Variants in PCDH1 observed in about 807,000 individuals in gnomAD.
PCDH1 encodes the protein protocadherin 1, also known as protocadherin-1.
In PCDH1, 23 loss-of-function variants were observed where a neutral mutation model predicts 74.6. That is an observed-to-expected ratio of 0.31 (90% CI 0.22 to 0.44). The LOEUF (loss-of-function observed/expected upper bound fraction) is 0.44, where lower values mean the gene tolerates loss of function less well. Ranked by LOEUF, PCDH1 falls within the 20% of genes least tolerant of loss-of-function variation. PCDH1 has a pLI of 1.00. For missense variants in PCDH1, 1,214 were observed against 1,641.4 expected (o/e 0.74, Z 4.50); for synonymous variants, 647 against 686.1 (o/e 0.94, Z 0.89).
At chr5:141,862,579 G>A in intron 3 of PCDH1, 2 of 957,920 alleles carry the variant, frequency 2.1e-6, no homozygotes, top group Non-Finnish European at 2.5e-6. Context: ...ATTGAGGTAG[G>A]ACCTGAGGAC....
intron 3 of PCDH1, among the ~76,000 whole-genome samples, chr5:141,859,273 A>G (rs186790423): frequency 6.6e-5 from 10 of 152,276 alleles, no homozygotes; most frequent in Admixed American, 6.5e-4. Flanking sequence ...CTCCCTGCAG[A>G]ACCCATATCT....
At position 141,864,767 on chromosome 5, in the gene PCDH1, C is replaced by G. The variant is rs758272223; in HGVS notation, c.1564G>C (p.Gly522Arg). ...GCAGTGATCTCAGCAATCACTTCAC[C>G]AGGCTTGTTGTTTTCCGGGAAGGCG... ...EVAFPENNKP[G>R]EVIAEITASD... Residue 522 changes from glycine to arginine, a missense_variant, in exon 3 of 5, where the codon GGT (glycine) becomes CGT (arginine). Physicochemically the swap from Gly to Arg is moderately radical, Grantham distance 125 (BLOSUM62 -2). This residue lies in a region of PCDH1 where 836 missense variants were observed against 1,182.2 expected (regional missense o/e 0.71). Transcript: ENST00000287008. This position sits in a 1 kb window ranked among gnomAD's most constrained non-coding sequence, Gnocchi z 5.9. The G allele has an allele frequency of 6.2e-7, 1 of 1,614,098 alleles. No individual in the cohort carries two copies. The highest frequency in any genetic ancestry group is 8.5e-7 in the Non-Finnish European group (1 of 1,180,020).
At chr5:141,877,702 C>T (rs1753275736) in intron 1 of PCDH1, among the ~76,000 whole-genome samples, 1 of 152,164 alleles carries the variant, frequency 6.6e-6, no homozygotes, top group Non-Finnish European at 1.5e-5. Flanking sequence ...TGTCTGTGTG[C>T]ACATATGCAG....
chr5:141,857,033 A>G (rs565837874), intron 4 of PCDH1, among the ~76,000 whole-genome samples: 10 of 152,298 alleles, frequency 6.6e-5, no homozygotes, highest in Admixed American at 4.6e-4. Context: ...TAACCTCTCT[A>G]AGCCTCAGTT....
chr5:141,859,583 A>C lies in PCDH1; in HGVS notation c.3100-2112T>G, dbSNP rs539579746. On this transcript the variant is annotated intron_variant, in intron 3 of 4. Transcript: ENST00000287008. ...CTGTATGGGCAATGATCTCATCACT[A>C]TCCTATCACCCAGACTCAGAAGGCT... 1.5e-4 allele frequency among the ~76,000 whole-genome samples: 23 copies of C among 152,216 alleles called. 1 individual carries two copies. The South Asian group carries it at 4.8e-3, about 32-fold the overall frequency.
rs576115850 is a variant in PCDH1 at position 141,869,757 on chromosome 5, C to T, written c.41-326G>A. The stretch of plus-strand genomic sequence containing the variant: ...CTGCCCGCCCTCTTTCCTTCTTTTC[C>T]TCCTTGCTCTCTGCTCTGTGCTTCA... On this transcript the variant is annotated intron_variant, in intron 1 of 4. Transcript: ENST00000287008. This position sits in a 1 kb window ranked among gnomAD's most constrained non-coding sequence, Gnocchi z 4.9. 1.1e-5 allele frequency: 11 copies of T among 985,460 alleles called. No individual in the cohort carries two copies. In the African/African-American group the frequency reaches 1.4e-4, roughly 12 times the overall value. The allele number at this position is 985,460 out of a possible 1,614,324, so 61.0% of individuals were successfully genotyped here.
At chr5:141,857,499 A>G (rs1403872274) in intron 3 of PCDH1, 28 bp from the exon 4 acceptor site, 1 of 1,598,360 alleles carries the variant, frequency 6.3e-7, no homozygotes, top group Middle Eastern at 1.7e-4. Flanking sequence ...GTCACTACTG[A>G]CCAGCCAGCT....
intron 1 of PCDH1, among the ~76,000 whole-genome samples, chr5:141,873,906 C>T (rs1053305932): frequency 6.6e-5 from 10 of 152,168 alleles, no homozygotes; most frequent in African/African-American, 2.4e-4. Context: ...TTTATTATTA[C>T]ACTCCTTCCC....
At chr5:141,873,721 G>A (rs1483959651) in intron 1 of PCDH1, among the ~76,000 whole-genome samples, 1 of 151,286 alleles carries the variant, frequency 6.6e-6, no homozygotes, top group Non-Finnish European at 1.5e-5. Flanking sequence ...GCCTCCCAAA[G>A]TGCTGGGATT....
chr5:141,867,401 G>C (rs1752893701), intron 2 of PCDH1: 2 of 344,838 alleles, frequency 5.8e-6, no homozygotes, highest in East Asian at 1.6e-4. Context: ...ATTAGCTGTA[G>C]GATATCAGGC....
Position 141,878,190 on chromosome 5 carries a change from C to A in PCDH1, c.40+33G>T. The A allele has an allele frequency of 7.0e-7, 1 of 1,433,028 alleles. No individual in the cohort carries two copies. Among genetic ancestry groups the A allele is most frequent in the Non-Finnish European group, 9.1e-7 (1 of 1,095,424 alleles). The allele number at this position is 1,433,028 out of a possible 1,614,324, so 88.8% of individuals were successfully genotyped here. Reference sequence around the variant, plus strand: ...GGCCATGACCGCTTCGGGCCCCAAGCCGCTGCTGCCTCCACCGCCGCCGGA... The same window carrying A: ...GGCCATGACCGCTTCGGGCCCCAAGACGCTGCTGCCTCCACCGCCGCCGGA... On this transcript the variant is annotated intron_variant, in intron 1 of 4. Coordinates refer to ENST00000287008, the MANE Select transcript of PCDH1 (RefSeq NM_032420.5). The surrounding 1 kb of genome is among the most constrained non-coding windows in gnomAD (Gnocchi z 5.5).
chr5:141,870,945 G>A (rs1753077532), intron 1 of PCDH1, among the ~76,000 whole-genome samples: 1 of 152,162 alleles, frequency 6.6e-6, no homozygotes, highest in Admixed American at 6.5e-5. Flanking sequence ...ACTGAGGGCA[G>A]GCTCTGGCCC....
chr5:141,867,321 T>C (rs1449935899), intron 2 of PCDH1: 6 of 239,602 alleles, frequency 2.5e-5, no homozygotes, highest in Non-Finnish European at 4.9e-5. Flanking sequence ...CACTGGGAGG[T>C]GGTAAAGCTC....
rs750708054 is a variant in PCDH1 at position 141,878,184 on chromosome 5, C to A, written c.40+39G>T. On this transcript the variant is annotated intron_variant, in intron 1 of 4. Transcript: ENST00000287008. This position sits in a 1 kb window ranked among gnomAD's most constrained non-coding sequence, Gnocchi z 5.5. ...CCCGCCGGCCATGACCGCTTCGGGC[C>A]CCAAGCCGCTGCTGCCTCCACCGCC... The A allele has an allele frequency of 1.4e-6, 2 of 1,432,618 alleles. No homozygotes were observed. The highest frequency in any genetic ancestry group is 1.4e-5 in the South Asian group (1 of 73,816). 88.7% of individuals were successfully genotyped at this position (1,432,618 alleles called of 1,614,324 possible). A position where few individuals can be genotyped will look rare whatever the true frequency, so the allele number is the denominator to read the frequency against.
intron 4 of PCDH1, among the ~76,000 whole-genome samples, 184 bp downstream of exon 4, chr5:141,857,068 T>A (rs1752376015): frequency 6.6e-6 from 1 of 152,200 alleles, no homozygotes; most frequent in South Asian, 2.1e-4. Flanking sequence ...GTGGGTGCCA[T>A]AAAGTTCTCA....
At chr5:141,872,855 G>A (rs1753127320) in intron 1 of PCDH1, among the ~76,000 whole-genome samples, 1 of 152,202 alleles carries the variant, frequency 6.6e-6, no homozygotes, top group East Asian at 1.9e-4. Flanking sequence ...TGGCGGGGCT[G>A]GGGAAAGGTC....
chr5:141,872,416 G>A (rs1403186020), intron 1 of PCDH1, among the ~76,000 whole-genome samples: 2 of 152,194 alleles, frequency 1.3e-5, no homozygotes, highest in Admixed American at 6.5e-5. Context: ...TCTCCAGATC[G>A]AGGATACTTA....
rs766946650 is a variant in PCDH1, at chr5:141,864,876, T to A, written c.1455A>T (p.Pro485=). Residue 485 remains proline (P), a synonymous_variant, in exon 3 of 5, where the codon CCA becomes CCT. Coordinates refer to ENST00000287008, the MANE Select transcript of PCDH1 (RefSeq NM_032420.5). The surrounding 1 kb of genome is among the most constrained non-coding windows in gnomAD (Gnocchi z 5.9). The part of the protein sequence containing the change: ...EIVAVDSGNP[P]LSSTNSLKVQ... ...CCTTGAGGGAGTTAGTGCTGGAGAG[T>A]GGGGGGTTGCCAGAGTCCACAGCCA... 1.9e-6 allele frequency: 3 copies of A among 1,613,782 alleles called. No individual in the cohort carries two copies. Among genetic ancestry groups the A allele is most frequent in the East Asian group, 4.5e-5 (2 of 44,862 alleles).
Position 141,865,814 on chromosome 5 carries a change from T to C in PCDH1, c.904-387A>G, listed in dbSNP as rs1472459300. Among the ~76,000 whole-genome samples the C allele has an allele frequency of 6.6e-6, 1 of 152,214 alleles. No homozygotes were observed. Among genetic ancestry groups the C allele is most frequent in the Non-Finnish European group, 1.5e-5 (1 of 68,038 alleles). ...CCAATGAACCCTGCCTGAACCCTCCTGAAGAGATGGAGAGGTGCGAGTAGT... is the reference window on the plus strand; with the variant it reads ...CCAATGAACCCTGCCTGAACCCTCCCGAAGAGATGGAGAGGTGCGAGTAGT... On this transcript the variant is annotated intron_variant, in intron 2 of 4. Coordinates refer to ENST00000287008, the MANE Select transcript of PCDH1 (RefSeq NM_032420.5). This position sits in a 1 kb window ranked among gnomAD's most constrained non-coding sequence, Gnocchi z 4.4.
Sources: allele counts gnomAD v4.1 joint callset (sites outside exome capture counted in the v4.1 genomes callset), GRCh38; gene constraint gnomAD v4.1.1; regional missense constraint gnomAD v4.1.1; non-coding constraint Gnocchi (gnomAD v3.1); transcripts MANE v1.5; gene names NCBI Gene and HGNC (gene_info 2026-07-23, HGNC 2026-07-21).